The following GRM7 variants were observed in gnomAD, a reference collection of about 807,000 sequenced individuals.
GRM7 encodes metabotropic glutamate receptor 7.
A neutral mutation model predicts 84.5 loss-of-function variants in GRM7; 35 were observed. The observed-to-expected ratio is 0.41, with a 90% CI of 0.32 to 0.55. The LOEUF (loss-of-function observed/expected upper bound fraction) is 0.55. GRM7 is among the 20% of genes least tolerant of loss of function. The probability of loss-of-function intolerance (pLI) is 0.19; values close to 1 mark genes in which losing one functional copy is unlikely to be tolerated. For synonymous variants in GRM7, 487 were observed against 455.1 expected (o/e 1.07, Z -0.89); for missense variants, 1,003 against 1,194.6 (o/e 0.84, Z 2.36).
At chr3:7,186,425 A>T (rs1009813319) in intron 2 of GRM7, among the ~76,000 whole-genome samples, 3 of 152,356 alleles carry the variant, frequency 2.0e-5, no homozygotes, top group African/African-American at 7.2e-5. Flanking sequence ...CTGTACAAGA[A>T]CTTGCAATAA....
intron 9 of GRM7, among the ~76,000 whole-genome samples, chr3:7,699,226 A>G (rs1701131683): frequency 6.6e-6 from 1 of 152,166 alleles, no homozygotes; most frequent in Non-Finnish European, 1.5e-5. Context: ...GGAAAAACTG[A>G]CTACCTAGTT....
intron 9 of GRM7, among the ~76,000 whole-genome samples, chr3:7,738,859 C>T (rs939507404): frequency 6.6e-6 from 1 of 151,798 alleles, no homozygotes; most frequent in Non-Finnish European, 1.5e-5. Flanking sequence ...GATTCAGAGT[C>T]AAGAAACATC....
intron 5 of GRM7, among the ~76,000 whole-genome samples, chr3:7,428,232 T>A (rs1006925515): frequency 1.3e-5 from 2 of 152,150 alleles, no homozygotes; most frequent in African/African-American, 4.8e-5. Context: ...GACTAGTTAT[T>A]TTGTTATCCA....
At chr3:7,656,574 C>CAT (rs1393470040) in intron 8 of GRM7, among the ~76,000 whole-genome samples, 1 of 150,984 alleles carries the variant, frequency 6.6e-6, no homozygotes, top group Non-Finnish European at 1.5e-5. Context: ...CACACACACA[C>CAT]ACAAAGTGTG....
At chr3:7,011,929 T>C (rs950072490) in intron 1 of GRM7, among the ~76,000 whole-genome samples, 4 of 152,232 alleles carry the variant, frequency 2.6e-5, no homozygotes, top group African/African-American at 7.2e-5. Context: ...ATTTTTATTC[T>C]GTCCTTTGTC....
At chr3:7,350,769 G>A (rs1355374597) in intron 4 of GRM7, among the ~76,000 whole-genome samples, 3 of 151,972 alleles carry the variant, frequency 2.0e-5, no homozygotes, top group African/African-American at 4.8e-5. Flanking sequence ...GTTGTTTTGG[G>A]TTAGAGTCTT....
intron 1 of GRM7, among the ~76,000 whole-genome samples, chr3:7,064,295 G>A (rs1163275021): frequency 6.7e-6 from 1 of 150,070 alleles, no homozygotes; most frequent in Non-Finnish European, 1.5e-5. Flanking sequence ...CTTTGTGTAT[G>A]CATAGCTTAG....
intron 7 of GRM7, among the ~76,000 whole-genome samples, chr3:7,492,259 T>A (rs1218453184): frequency 6.6e-6 from 1 of 152,188 alleles, no homozygotes; most frequent in Non-Finnish European, 1.5e-5. Flanking sequence ...GTCTTCCACT[T>A]TCTAAAACAG....
At chr3:6,966,656 T>G (rs922563266) in intron 1 of GRM7, among the ~76,000 whole-genome samples, 3 of 152,214 alleles carry the variant, frequency 2.0e-5, no homozygotes, top group African/African-American at 7.2e-5. Flanking sequence ...AATCAGTGTA[T>G]CTATTAGAAA....
At chr3:7,186,497 A>G (rs1695519261) in intron 2 of GRM7, among the ~76,000 whole-genome samples, 1 of 152,202 alleles carries the variant, frequency 6.6e-6, no homozygotes, top group African/African-American at 2.4e-5. Context: ...CCCTGGCTTT[A>G]ATCCTGATTG....
rs185776938 is a variant in GRM7 at position 7,705,458 on chromosome 3, A to G, written c.2698+25163A>G. ...CACCCAAATCCAAACCACTCATTCC[A>G]GCTAGGGACACAGGTTACCAATTGA... On this transcript the variant is annotated intron_variant, in intron 9 of 9. Coordinates refer to ENST00000357716, the MANE Select transcript of GRM7 (RefSeq NM_000844.4). 4.0e-3 allele frequency among the ~76,000 whole-genome samples: 611 copies of G among 152,330 alleles called. 7 individuals are homozygous for G. Among genetic ancestry groups the G allele is most frequent in the South Asian group, 0.026 (125 of 4,824 alleles).
intron 8 of GRM7, among the ~76,000 whole-genome samples, chr3:7,610,075 G>T (rs1167028121): frequency 6.6e-6 from 1 of 152,284 alleles, no homozygotes; most frequent in East Asian, 1.9e-4. Flanking sequence ...GGAAAGAGGG[G>T]TGGTCATTCA....
intron 1 of GRM7, among the ~76,000 whole-genome samples, chr3:7,000,673 T>C (rs1210952694): frequency 1.3e-5 from 2 of 152,182 alleles, no homozygotes; most frequent in Non-Finnish European, 2.9e-5. Context: ...TTGTGAAATA[T>C]GTCAGCATGT....
chr3:7,554,459 AAT>A (rs1463538041), intron 7 of GRM7, among the ~76,000 whole-genome samples: 1 of 152,228 alleles, frequency 6.6e-6, no homozygotes, highest in Non-Finnish European at 1.5e-5. Flanking sequence ...CAGTTGAGCA[AAT>A]GTGACAACAT....
At chr3:7,406,545 A>G (rs1220065485) in intron 4 of GRM7, among the ~76,000 whole-genome samples, 1 of 152,170 alleles carries the variant, frequency 6.6e-6, no homozygotes, top group Non-Finnish European at 1.5e-5. Flanking sequence ...AAATAGAATG[A>G]TACAATCAAA....
At chr3:7,092,094 C>T (rs1350512927) in intron 1 of GRM7, among the ~76,000 whole-genome samples, 1 of 152,114 alleles carries the variant, frequency 6.6e-6, no homozygotes, top group Non-Finnish European at 1.5e-5. Flanking sequence ...CTGCAACCTC[C>T]ACTTTCAGGG....
At chr3:6,923,325 TG>T (rs1378624061) in intron 1 of GRM7, among the ~76,000 whole-genome samples, 25 of 73,782 alleles carry the variant, frequency 3.4e-4, no homozygotes, top group African/African-American at 2.4e-3. Flanking sequence ...CACACGAACA[TG>T]AAAAAAAAAA....
chr3:7,170,316 A>G (rs1247059326), intron 2 of GRM7, among the ~76,000 whole-genome samples: 2 of 152,198 alleles, frequency 1.3e-5, no homozygotes, highest in African/African-American at 4.8e-5. Flanking sequence ...CAATGCCCCA[A>G]GCCATGTACA....
At chr3:7,646,624 A>T (rs1331515288) in intron 8 of GRM7, among the ~76,000 whole-genome samples, 4 of 152,158 alleles carry the variant, frequency 2.6e-5, no homozygotes, top group African/African-American at 9.7e-5. Context: ...TTTTGTCAAC[A>T]GCTTTTGCCT....
Sources: allele counts gnomAD v4.1 joint callset (sites outside exome capture counted in the v4.1 genomes callset), GRCh38; gene constraint gnomAD v4.1.1; transcripts MANE v1.5; gene names NCBI Gene and HGNC (gene_info 2026-07-23, HGNC 2026-07-21).